The following RPS27A variants were observed in gnomAD, a reference collection of about 807,000 sequenced individuals.
The protein encoded by RPS27A is ubiquitin-ribosomal protein eS31 fusion protein.
A neutral mutation model predicts 18.9 loss-of-function variants in RPS27A; 1 was observed. That is an observed-to-expected ratio of 0.05 (90% CI 0.02 to 0.25). The LOEUF is 0.25. Ranked by LOEUF, RPS27A falls within the 10% of genes least tolerant of loss-of-function variation. The probability of loss-of-function intolerance (pLI) is 1.00; values close to 1 mark genes in which losing one functional copy is unlikely to be tolerated. For synonymous variants in RPS27A, 77 were observed against 63.7 expected, an observed-to-expected ratio of 1.21 and a Z score of -0.99; for missense variants, 123 against 187.4, an observed-to-expected ratio of 0.66 and a Z score of 2.01.
At chr2:55,233,833 T>C in intron 3 of RPS27A, 2 of 517,342 alleles carry the variant, frequency 3.9e-6, no homozygotes, top group Non-Finnish European at 7.0e-6. Flanking sequence ...TTTTACCTTG[T>C]TGGCCAGGCT....
upstream of RPS27A, chr2:55,231,913 C>T (rs1675418256): frequency 6.6e-6 from 1 of 152,204 alleles, no homozygotes; most frequent in Non-Finnish European, 1.5e-5. Flanking sequence ...AAGACCCAGA[C>T]TCTTCCCTAG....
In RPS27A at chr2:55,235,420, C is replaced by A. The variant is rs550068683; in HGVS notation, c.322-8C>A. On this transcript the variant is annotated splice_polypyrimidine_tract_variant and splice_region_variant and intron_variant, in intron 5 of 5. Transcript: ENST00000272317. Reference sequence around the variant, plus strand: ...AAATTATCTTAACAGCAGGTTTGTGCTTTTCAGGTGGATGAGAATGGCAAA... The same window carrying A: ...AAATTATCTTAACAGCAGGTTTGTGATTTTCAGGTGGATGAGAATGGCAAA... 4 of 1,611,862 alleles carry A rather than the reference C, an allele frequency of 2.5e-6. No individual in the cohort carries two copies. The East Asian group carries it at 8.9e-5, about 36-fold the overall frequency.
chr2:55,235,778 G>A lies in RPS27A; in HGVS notation c.*201G>A. 1 of 614,638 alleles carries A rather than the reference G, an allele frequency of 1.6e-6. No homozygotes were observed. The allele number at this position is 614,638 out of a possible 1,614,324, so 38.1% of individuals were successfully genotyped here. A position where few individuals can be genotyped will look rare whatever the true frequency, so the allele number is the denominator to read the frequency against. On this transcript the variant is annotated 3_prime_UTR_variant, in exon 6 of 6. Coordinates refer to ENST00000272317, the MANE Select transcript of RPS27A (RefSeq NM_002954.6). ...CTGCCAGGTGCCAACCACTTGTAAAGGTCTTGATATTTTCAATTCTTAGAC... is the reference window on the plus strand; with the variant it reads ...CTGCCAGGTGCCAACCACTTGTAAAAGTCTTGATATTTTCAATTCTTAGAC...
intron 3 of RPS27A, 159 bp downstream of exon 3, chr2:55,233,576 C>G: frequency 1.5e-6 from 1 of 674,040 alleles, no homozygotes; most frequent in Non-Finnish European, 2.7e-6. Flanking sequence ...TCGGGGAGCA[C>G]AGTACCTAGA....
In RPS27A at chr2:55,233,382, T is replaced by C. The variant is rs775386052; in HGVS notation, c.68T>C (p.Ile23Thr). ...TCATAGGTTGAACCCTCGGATACGA[T>C]AGAAAATGTAAAGGCCAAGATCCAG... ...ITLEVEPSDTIENVKAKIQDK... is the reference protein window; with the variant it reads ...ITLEVEPSDTTENVKAKIQDK... Residue 23 changes from isoleucine (I) to threonine (T), a missense_variant, in exon 3 of 6, where the codon ATA becomes ACA. By Grantham distance (89) the Ile-to-Thr change is moderately conservative (BLOSUM62 -1). Around this residue, in one of 2 missense-constraint regions of RPS27A, gnomAD observed 66 missense variants for 72.6 expected, o/e 0.91. Coordinates refer to ENST00000272317, the MANE Select transcript of RPS27A (RefSeq NM_002954.6). The C allele has an allele frequency of 4.3e-6, 7 of 1,613,464 alleles. No homozygotes were observed. The highest frequency in any genetic ancestry group is 2.2e-5 in the East Asian group (1 of 44,882).
Position 55,235,431 on chromosome 2 carries a change from G to A in RPS27A, c.325G>A (p.Asp109Asn), listed in dbSNP as rs13028202. The change falls in exon 6 of 6, where the codon GAT (aspartate) becomes AAT (asparagine). Residue 109 changes from aspartate to asparagine, a missense_variant. Around this residue, in one of 2 missense-constraint regions of RPS27A, gnomAD observed 57 missense variants for 114.8 expected, o/e 0.50. Coordinates refer to ENST00000272317, the MANE Select transcript of RPS27A (RefSeq NM_002954.6). ...ACAGCAGGTTTGTGCTTTTCAGGTGGATGAGAATGGCAAAATTAGTCGCCT... is the reference window on the plus strand; with the variant it reads ...ACAGCAGGTTTGTGCTTTTCAGGTGAATGAGAATGGCAAAATTAGTCGCCT... ...KLAVLKYYKV[D>N]ENGKISRLRR... 6.2e-7 allele frequency: 1 copy of A among 1,611,998 alleles called. No homozygotes were observed. Among genetic ancestry groups the A allele is most frequent in the South Asian group, 1.1e-5 (1 of 90,988 alleles).
At chr2:55,232,780 C>A in intron 1 of RPS27A, 28 bp from the exon 2 acceptor site, 2 of 1,577,728 alleles carry the variant, frequency 1.3e-6, no homozygotes, top group African/African-American at 1.3e-5. Flanking sequence ...CCTGACCTAA[C>A]CTGTCTCTTC....
chr2:55,233,076 G>C (rs945378706), intron 2 of RPS27A: 2 of 654,882 alleles, frequency 3.1e-6, no homozygotes, highest in Non-Finnish European at 5.6e-6. Context: ...CCTCTCGAGG[G>C]GTTCCAGCTA....
intron 5 of RPS27A, 71 bp from the exon 6 acceptor site, chr2:55,235,357 T>C: frequency 6.4e-7 from 1 of 1,552,786 alleles, no homozygotes; most frequent in South Asian, 1.1e-5. Flanking sequence ...AGCTTAAATA[T>C]TTTGAGTCAC....
rs1358173336 is a variant in RPS27A, at chr2:55,233,252, G to A, written c.49-111G>A. ...ACTGGGTGGGTAATAGGTCTCTCGAGTAGGTCTCAGCCCTGTCGCTGGTTC... is the reference window on the plus strand; with the variant it reads ...ACTGGGTGGGTAATAGGTCTCTCGAATAGGTCTCAGCCCTGTCGCTGGTTC... On this transcript the variant is annotated intron_variant, in intron 2 of 5. Coordinates refer to ENST00000272317, the MANE Select transcript of RPS27A (RefSeq NM_002954.6). The A allele has an allele frequency of 2.4e-5, 22 of 913,674 alleles. 1 individual carries two copies. Among genetic ancestry groups the A allele is most frequent in the South Asian group, 8.3e-5 (6 of 72,612 alleles). The allele number at this position is 913,674 out of a possible 1,614,324, so 56.6% of individuals were successfully genotyped here. A position where few individuals can be genotyped will look rare whatever the true frequency, so the allele number is the denominator to read the frequency against.
At chr2:55,233,091 G>C in intron 2 of RPS27A, 2 of 646,514 alleles carry the variant, frequency 3.1e-6, no homozygotes, top group South Asian at 3.7e-5. Context: ...CAGCTAGTTA[G>C]TTAAAACGGA....
upstream of RPS27A, chr2:55,232,633 G>A (rs948450389): frequency 1.5e-6 from 1 of 670,314 alleles, no homozygotes; most frequent in Non-Finnish European, 2.7e-6. Flanking sequence ...CGCCTAAGGG[G>A]TGGGTCCTTC....
chr2:55,235,248 C>T (rs1464116571), intron 5 of RPS27A, 180 bp from the exon 6 acceptor site: 4 of 789,196 alleles, frequency 5.1e-6, no homozygotes, highest in Admixed American at 2.4e-5. Flanking sequence ...TCAAAAGTCC[C>T]AAGACTTCTG....
At chr2:55,233,746 A>G (rs1675633246) in intron 3 of RPS27A, 2 of 472,534 alleles carry the variant, frequency 4.2e-6, no homozygotes, top group Non-Finnish European at 7.7e-6. Flanking sequence ...TTTGTGCTTC[A>G]GCCTCCCTAT....
intron 3 of RPS27A, 143 bp downstream of exon 3, chr2:55,233,560 T>C (rs1000999801): frequency 8.6e-6 from 6 of 699,426 alleles, no homozygotes; most frequent in African/African-American, 7.0e-5. Flanking sequence ...CAATAGACAT[T>C]GGTGATCGGG....
chr2:55,232,907 C>G (rs201568039), intron 2 of RPS27A, 35 bp downstream of exon 2: 7 of 1,561,586 alleles, frequency 4.5e-6, no homozygotes, highest in South Asian at 2.3e-5. Flanking sequence ...AGCCAAGGTC[C>G]GAATAAGGTC....
chr2:55,235,080 T>G, intron 5 of RPS27A, 118 bp downstream of exon 5: 1 of 1,128,828 alleles, frequency 8.9e-7, no homozygotes, highest in Non-Finnish European at 1.3e-6. Flanking sequence ...CCCACTTTGG[T>G]TTAAATGAGG....
At position 55,235,743 on chromosome 2, in the gene RPS27A, T is replaced by C. The variant is rs541133856; in HGVS notation, c.*166T>C. ...CTCTGGGGATTATGTGACCCAGTGG[T>C]TCTGTATACCTGCCAGGTGCCAACC... On this transcript the variant is annotated 3_prime_UTR_variant, in exon 6 of 6. Coordinates refer to ENST00000272317, the MANE Select transcript of RPS27A (RefSeq NM_002954.6). 87 of 778,070 alleles carry C rather than the reference T, an allele frequency of 1.1e-4. 3 individuals are homozygous for C. In the South Asian group the frequency reaches 1.4e-3, roughly 12 times the overall value. The allele number at this position is 778,070 out of a possible 1,614,324, so 48.2% of individuals were successfully genotyped here.
upstream of RPS27A, chr2:55,232,266 GT>G: frequency 5.3e-6 from 1 of 188,630 alleles, no homozygotes; most frequent in Non-Finnish European, 1.1e-5. Flanking sequence ...ACCGACTTCA[GT>G]GCTTAGAGAT....
Sources: allele counts gnomAD v4.1 joint callset, GRCh38; gene constraint gnomAD v4.1.1; regional missense constraint gnomAD v4.1.1; transcripts MANE v1.5; gene names NCBI Gene and HGNC (gene_info 2026-07-23, HGNC 2026-07-21).